Variants in SPNS1 observed in about 807,000 individuals in gnomAD.
The protein encoded by SPNS1 is SPNS lysolipid transporter 1, lysophospholipid.
SPNS1 carries 22 observed loss-of-function variants against 50.3 expected under a neutral mutation model. The ratio of observed to expected loss-of-function variants is 0.44; its 90% CI spans 0.31 to 0.62. The LOEUF is 0.62. SPNS1 is among the 20% of genes least tolerant of loss of function. SPNS1 has a pLI of 0.07. For missense variants in SPNS1, 576 were observed against 728.6 expected (o/e 0.79, Z 2.41); for synonymous variants, 295 against 317.4 (o/e 0.93, Z 0.75).
chr16:28,975,104 G>T lies in SPNS1; in HGVS notation c.-48G>T. On this transcript the variant is annotated 5_prime_UTR_variant, in exon 1 of 12. Transcript: ENST00000311008. ...CTCCAGCCTCCTCCCCTCGCAGGTG[G>T]GATCGTCGGTGGGACCGGAGCGCGG... is the stretch of plus-strand genomic sequence containing the variant. The T allele has an allele frequency of 6.9e-7, 1 of 1,455,428 alleles. No individual in the cohort carries two copies. Among genetic ancestry groups the T allele is most frequent in the Non-Finnish European group, 9.0e-7 (1 of 1,108,224 alleles). 90.2% of individuals were successfully genotyped at this position (1,455,428 alleles called of 1,614,324 possible).
In SPNS1 at chr16:28,975,299, A is replaced by G; in HGVS notation, c.148A>G (p.Ile50Val). ...EVPDQEGLQR[I>V]TGLSPGRSAL... The stretch of plus-strand genomic sequence containing the variant: ...CCCGGACCAGGAGGGGCTGCAGCGC[A>G]TCACCGGCCTGTCTCCCGGCCGTTC... Residue 50 changes from isoleucine (I) to valine (V), a missense_variant, in exon 1 of 12, where the codon ATC becomes GTC. By Grantham distance (29) the Ile-to-Val change is conservative. Coordinates refer to ENST00000311008, the MANE Select transcript of SPNS1 (RefSeq NM_032038.3). 6.3e-7 allele frequency: 1 copy of G among 1,583,230 alleles called. No individual in the cohort carries two copies. The highest frequency in any genetic ancestry group is 8.6e-7 in the Non-Finnish European group (1 of 1,162,190).
Position 28,982,560 on chromosome 16 carries a change from G to C in SPNS1, c.1155+15G>C. On this transcript the variant is annotated intron_variant, in intron 8 of 11. Transcript: ENST00000311008. ...TGGCCACTTATGTGAGTAGCCAGCAGGTGTCAAGGGGGATGGCGTGGGTCC... is the reference window on the plus strand; with the variant it reads ...TGGCCACTTATGTGAGTAGCCAGCACGTGTCAAGGGGGATGGCGTGGGTCC... 1 of 1,591,170 alleles carries C rather than the reference G, an allele frequency of 6.3e-7. No homozygotes were observed. The highest frequency in any genetic ancestry group is 8.6e-7 in the Non-Finnish European group (1 of 1,166,362).
At position 28,983,114 on chromosome 16, in the gene SPNS1, C is replaced by A. The variant is rs953954915; in HGVS notation, c.1222-78C>A. On this transcript the variant is annotated intron_variant, in intron 9 of 11. Coordinates refer to ENST00000311008, the MANE Select transcript of SPNS1 (RefSeq NM_032038.3). The surrounding 1 kb of genome is among the most constrained non-coding windows in gnomAD (Gnocchi z 5.4). The stretch of plus-strand genomic sequence containing the variant: ...CCTCTGACCCCGGCCTAGGCGGATC[C>A]TTGGTGGTCTCCTGGCCCCCTGCCT... 14 of 1,329,258 alleles carry A rather than the reference C, an allele frequency of 1.1e-5. No homozygotes were observed. The highest frequency in any genetic ancestry group is 1.5e-5 in the Non-Finnish European group (14 of 930,144). The allele number at this position is 1,329,258 out of a possible 1,614,324, so 82.3% of individuals were successfully genotyped here.
At chr16:28,978,908 T>C (rs1871778314) in intron 3 of SPNS1, 1 of 555,880 alleles carries the variant, frequency 1.8e-6, no homozygotes, top group East Asian at 3.1e-5. Context: ...GTCCTTGCAA[T>C]AGCTCTGTGA....
chr16:28,979,507 C>T (rs780030842), intron 5 of SPNS1, 36 bp downstream of exon 5: 35 of 1,604,524 alleles, frequency 2.2e-5, no homozygotes, highest in African/African-American at 2.7e-5. Flanking sequence ...AGGTCAGCGA[C>T]GTTCTCACTG....
rs1197112648 is a variant in SPNS1 at position 28,982,713 on chromosome 16, A to G, written c.1156-144A>G. The G allele has an allele frequency of 4.2e-6, 5 of 1,204,356 alleles. No homozygotes were observed. The African/African-American group carries it at 6.0e-5, about 14-fold the overall frequency. 74.6% of individuals were successfully genotyped at this position (1,204,356 alleles called of 1,614,324 possible). A position where few individuals can be genotyped will look rare whatever the true frequency, so the allele number is the denominator to read the frequency against. ...TAACCTCTCTGTGCTCAGTTTCATC[A>G]TGTGTAAAATGGGGATATTAGTAGC... On this transcript the variant is annotated intron_variant, in intron 8 of 11. Transcript: ENST00000311008.
rs1223555678 is a variant in SPNS1, at chr16:28,983,891, G to A, written c.1426G>A (p.Ala476Thr). Reference sequence around the variant, plus strand: ...CGCGTTTGTTGGGGCACTGGGCGGCGCAGCCTTCCTGGGCACCGCCATCTT... The same window carrying A: ...CGCGTTTGTTGGGGCACTGGGCGGCACAGCCTTCCTGGGCACCGCCATCTT... The part of the protein sequence containing the change: ...LCAFVGALGG[A>T]AFLGTAIFIE... Residue 476 changes from alanine to threonine, a missense_variant, in exon 11 of 12, where the codon GCA becomes ACA. Ala to Thr is a moderately conservative substitution (Grantham distance 58, BLOSUM62 0). Around this residue, in one of 3 missense-constraint regions of SPNS1, gnomAD observed 428 missense variants for 520.1 expected, o/e 0.82. Coordinates refer to ENST00000311008, the MANE Select transcript of SPNS1 (RefSeq NM_032038.3). The surrounding 1 kb of genome is among the most constrained non-coding windows in gnomAD (Gnocchi z 5.4). The A allele has an allele frequency of 5.0e-6, 8 of 1,601,006 alleles. No homozygotes were observed. Among genetic ancestry groups the A allele is most frequent in the South Asian group, 2.2e-5 (2 of 90,884 alleles).
At position 28,981,558 on chromosome 16, in the gene SPNS1, A is replaced by T. The variant is rs138605200; in HGVS notation, c.752A>T (p.Asp251Val). ...PPRGAVERHSDLPPLNPTSWW... is the reference protein window; with the variant it reads ...PPRGAVERHSVLPPLNPTSWW... ...AGGGGAGCCGTGGAGCGCCACTCAG[A>T]TTTGCCACCCCTGAACCCCACCTCG... The change falls in exon 6 of 12, where the codon GAT (aspartate) becomes GTT (valine). Residue 251 changes from aspartate (D) to valine (V), a missense_variant. Asp to Val is a radical substitution (Grantham distance 152). Coordinates refer to ENST00000311008, the MANE Select transcript of SPNS1 (RefSeq NM_032038.3). This position sits in a 1 kb window ranked among gnomAD's most constrained non-coding sequence, Gnocchi z 4.2. 8 of 1,613,954 alleles carry T rather than the reference A, an allele frequency of 5.0e-6. No individual in the cohort carries two copies. The highest frequency in any genetic ancestry group is 6.8e-6 in the Non-Finnish European group (8 of 1,180,012).
Position 28,981,629 on chromosome 16 carries a change from C to T in SPNS1, c.809+14C>T, listed in dbSNP as rs1319098828. The T allele has an allele frequency of 6.2e-7, 1 of 1,611,302 alleles. No individual in the cohort carries two copies. Among genetic ancestry groups the T allele is most frequent in the East Asian group, 2.2e-5 (1 of 44,810 alleles). On this transcript the variant is annotated intron_variant, in intron 6 of 11. Transcript: ENST00000311008. The surrounding 1 kb of genome is among the most constrained non-coding windows in gnomAD (Gnocchi z 4.2). ...TCTGGCAAGAAAGTGAGTTTATTCC[C>T]ACCCTAGACCACCATCTGAGGCCCC...
rs1180208845 is a variant in SPNS1, at chr16:28,984,107, T to C, written c.1493-98T>C. 3.5e-6 allele frequency: 5 copies of C among 1,436,632 alleles called. No individual in the cohort carries two copies. The African/African-American group carries it at 4.3e-5, about 12-fold the overall frequency. 89.0% of individuals were successfully genotyped at this position (1,436,632 alleles called of 1,614,324 possible). On this transcript the variant is annotated intron_variant, in intron 11 of 11. Coordinates refer to ENST00000311008, the MANE Select transcript of SPNS1 (RefSeq NM_032038.3). ...TCTGCATCCACCCCTGGGGTGGCTC[T>C]GTGGCTGCCCCATCCATTTCCCGCT...
chr16:28,980,728 CCTG>C (rs1965515208), intron 5 of SPNS1: 1 of 152,148 alleles, frequency 6.6e-6, no homozygotes, highest in Admixed American at 6.6e-5. Context: ...GTGGCAGGTG[CCTG>C]TAGTCCCAGC....
chr16:28,976,515 C>T (rs1171057603), intron 2 of SPNS1, among the ~76,000 whole-genome samples: 3 of 152,144 alleles, frequency 2.0e-5, no homozygotes, highest in Admixed American at 6.5e-5. Flanking sequence ...TCTTCTAATC[C>T]TTCTATCAGT....
At position 28,975,334 on chromosome 16, in the gene SPNS1, A is replaced by G. The variant is rs781259573; in HGVS notation, c.183A>G (p.Ile61Met). The G allele has an allele frequency of 6.3e-7, 1 of 1,576,632 alleles. No homozygotes were observed. Among genetic ancestry groups the G allele is most frequent in the Non-Finnish European group, 8.7e-7 (1 of 1,154,370 alleles). ...TGLSPGRSALIVAVLCYINLL... is the reference protein window; with the variant it reads ...TGLSPGRSALMVAVLCYINLL... ...TGTCTCCCGGCCGTTCGGCTCTCAT[A>G]GTGGCGGTGCTGTGCTACATCAATC... is the stretch of plus-strand genomic sequence containing the variant. Residue 61 changes from isoleucine (I) to methionine (M), a missense_variant, in exon 1 of 12, where the codon ATA becomes ATG. Ile to Met is a conservative substitution (Grantham distance 10). This residue lies in a region of SPNS1 where 144 missense variants were observed against 181.2 expected (regional missense o/e 0.79). Transcript: ENST00000311008.
intron 7 of SPNS1, 71 bp downstream of exon 7, chr16:28,982,127 A>AC: frequency 1.9e-6 from 3 of 1,556,742 alleles, no homozygotes; most frequent in Non-Finnish European, 2.6e-6. Context: ...TGTGGCTCAG[A>AC]CCCAGGCAGG....
intron 2 of SPNS1, among the ~76,000 whole-genome samples, chr16:28,975,990 G>A (rs1965327251): frequency 6.6e-6 from 1 of 152,204 alleles, no homozygotes; most frequent in African/African-American, 2.4e-5. Flanking sequence ...ATGGCAGGAG[G>A]GTTGGGTGTG....
chr16:28,983,806 G>C lies in SPNS1; in HGVS notation c.1341G>C (p.Arg447=). 1 of 1,599,612 alleles carries C rather than the reference G, an allele frequency of 6.3e-7. No homozygotes were observed. Among genetic ancestry groups the C allele is most frequent in the Non-Finnish European group, 8.5e-7 (1 of 1,175,584 alleles). Residue 447 remains arginine, a synonymous_variant, in exon 11 of 12, where the codon CGG becomes CGC. Transcript: ENST00000311008. This position sits in a 1 kb window ranked among gnomAD's most constrained non-coding sequence, Gnocchi z 5.4. ...TGCAGATCTCTGACCGCCTGCGCCG[G>C]AACTGGCCCCCCTCCTTCTTGTCCG... ...LIGLISDRLR[R]NWPPSFLSEF...
Position 28,974,854 on chromosome 16 carries a change from C to T in SPNS1, c.-298C>T, listed in dbSNP as rs1019436744. On this transcript the variant is annotated 5_prime_UTR_variant, in exon 1 of 12. Coordinates refer to ENST00000311008, the MANE Select transcript of SPNS1 (RefSeq NM_032038.3). ...TGAGCGACAGCAAGTGCAGCGGGCTCCTACCCCGGGTGAGGGGTGGCCTCC... is the reference window on the plus strand; with the variant it reads ...TGAGCGACAGCAAGTGCAGCGGGCTTCTACCCCGGGTGAGGGGTGGCCTCC... 6.1e-5 allele frequency: 94 copies of T among 1,535,388 alleles called. 1 individual carries two copies. The highest frequency in any genetic ancestry group is 7.7e-5 in the Non-Finnish European group (88 of 1,146,498).
chr16:28,984,272 C>G lies in SPNS1; in HGVS notation c.1560C>G (p.Arg520=). 1 of 1,612,490 alleles carries G rather than the reference C, an allele frequency of 6.2e-7. No individual in the cohort carries two copies. Among genetic ancestry groups the G allele is most frequent in the Non-Finnish European group, 8.5e-7 (1 of 1,179,722 alleles). ...IVVPQRGRST[R]VPVASVLI is the part of the protein sequence containing the mutation. ...TGCCCCAGCGGGGCCGCTCCACCCG[C>G]GTGCCCGTGGCCAGTGTGCTCATCT... is the stretch of plus-strand genomic sequence containing the variant. The change falls in exon 12 of 12, where the codon CGC becomes CGG. Residue 520 remains arginine (R), a synonymous_variant. Coordinates refer to ENST00000311008, the MANE Select transcript of SPNS1 (RefSeq NM_032038.3).
At position 28,975,544 on chromosome 16, in the gene SPNS1, G is replaced by A; in HGVS notation, c.294G>A (p.Gly98=). ...QFFNIGDSSS[G]LIQTVFISSY... Reference sequence around the variant, plus strand: ...TCAACATCGGGGACAGTAGCTCTGGGCTCATCCAGACCGGTGAGTGGGGAC... The same window carrying A: ...TCAACATCGGGGACAGTAGCTCTGGACTCATCCAGACCGGTGAGTGGGGAC... Residue 98 remains glycine, a synonymous_variant, in exon 2 of 12, where the codon GGG becomes GGA. Transcript: ENST00000311008. The A allele has an allele frequency of 1.2e-6, 2 of 1,614,226 alleles. No individual in the cohort carries two copies. The highest frequency in any genetic ancestry group is 1.7e-6 in the Non-Finnish European group (2 of 1,180,040).
Sources: gnomAD v4.1 joint callset for allele counts (sites outside exome capture counted in the v4.1 genomes callset) on GRCh38, gnomAD v4.1.1 for gene constraint, gnomAD v4.1.1 regional missense constraint, Gnocchi (gnomAD v3.1) non-coding constraint, MANE v1.5 for transcripts, NCBI Gene and HGNC (gene_info 2026-07-23, HGNC 2026-07-21) for gene names.